MAP2: variants seen among roughly 807,000 people sequenced by gnomAD.
MAP2 encodes microtubule-associated protein 2.
MAP2 carries 14 observed loss-of-function variants against 137.6 expected under a neutral mutation model. The observed-to-expected ratio is 0.10, with a 90% CI of 0.07 to 0.16. The LOEUF is 0.16. MAP2 is among the 10% of genes least tolerant of loss of function. The pLI is 1.00. For missense variants in MAP2, 2,088 were observed against 2,191.5 expected (o/e 0.95, Z 0.94); for synonymous variants, 786 against 782.3 (o/e 1.00, Z -0.08).
intron 2 of MAP2, among the ~76,000 whole-genome samples, chr2:209,523,314 T>C (rs761388745): frequency 5.3e-5 from 8 of 152,184 alleles, no homozygotes; most frequent in Non-Finnish European, 1.2e-4. Flanking sequence ...CACACATGGC[T>C]TGTCATTACT....
intron 7 of MAP2, among the ~76,000 whole-genome samples, chr2:209,686,197 CG>C (rs2056950894): frequency 2.0e-5 from 3 of 152,276 alleles, no homozygotes; most frequent in African/African-American, 7.2e-5. Flanking sequence ...GAATATCAAA[CG>C]TTATTTTAGG....
intron 1 of MAP2, among the ~76,000 whole-genome samples, chr2:209,442,349 G>T (rs1271776534): frequency 1.3e-5 from 2 of 151,536 alleles, no homozygotes; most frequent in South Asian, 2.1e-4. Flanking sequence ...AAATTGGGGG[G>T]TCTAGGGGCC....
intron 3 of MAP2, among the ~76,000 whole-genome samples, chr2:209,605,742 C>G (rs2084466876): frequency 6.6e-6 from 1 of 152,112 alleles, no homozygotes; most frequent in Non-Finnish European, 1.5e-5. Flanking sequence ...GAATATTGTG[C>G]CCTTATCCTT....
intron 5 of MAP2, among the ~76,000 whole-genome samples, chr2:209,675,441 G>A (rs924714138): frequency 9.9e-5 from 15 of 151,788 alleles, no homozygotes; most frequent in African/African-American, 2.9e-4. Flanking sequence ...CTCACGATTA[G>A]TACTGGCTGA....
intron 1 of MAP2, among the ~76,000 whole-genome samples, chr2:209,490,658 C>G (rs942489726): frequency 2.3e-5 from 3 of 132,018 alleles, no homozygotes; most frequent in African/African-American, 8.4e-5. Flanking sequence ...ATCCTAGTCT[C>G]TGATAAAACA....
At chr2:209,704,584 C>T (rs1249042253) in intron 11 of MAP2, 7 of 1,608,542 alleles carry the variant, frequency 4.4e-6, no homozygotes, top group Non-Finnish European at 5.9e-6. Flanking sequence ...CAGCAGGCTC[C>T]ACAGACCGTT....
chr2:209,528,842 A>G (rs570603283), intron 2 of MAP2, among the ~76,000 whole-genome samples: 4 of 148,462 alleles, frequency 2.7e-5, no homozygotes, highest in South Asian at 4.3e-4. Flanking sequence ...ATGTATGTAT[A>G]TATATGTGTG....
intron 13 of MAP2, chr2:209,723,773 T>C: frequency 1.2e-6 from 1 of 843,404 alleles, no homozygotes; most frequent in Admixed American, 1.8e-5. Context: ...CCCACCTCTT[T>C]CCAACACACT....
intron 7 of MAP2, among the ~76,000 whole-genome samples, chr2:209,682,949 G>T (rs140397647): frequency 9.5e-4 from 144 of 152,222 alleles, no homozygotes; most frequent in African/African-American, 3.4e-3. Flanking sequence ...AAGCATCAGA[G>T]AATCCTCTTA....
At position 209,673,080 on chromosome 2, in the gene MAP2, A is replaced by G. The variant is rs75968051; in HGVS notation, c.263-5492A>G. 9.9e-5 allele frequency among the ~76,000 whole-genome samples: 15 copies of G among 151,946 alleles called. No individual in the cohort carries two copies. In the East Asian group the frequency reaches 2.9e-3, roughly 29 times the overall value. On this transcript the variant is annotated intron_variant, in intron 5 of 15. Coordinates refer to ENST00000682079, the MANE Select transcript of MAP2 (RefSeq NM_001375505.1). ...GTTTTCAAGACAGATTTCACTTTTT[A>G]TCTTCAGATGTTTACCTGGATAGTG...
intron 14 of MAP2, 54 bp downstream of exon 14, chr2:209,725,844 G>A: frequency 7.9e-7 from 1 of 1,261,232 alleles, no homozygotes; most frequent in Non-Finnish European, 1.1e-6. Flanking sequence ...ATCAAGAAAG[G>A]GATGAGAAAA....
intron 14 of MAP2, among the ~76,000 whole-genome samples, chr2:209,727,946 A>G (rs2074654743): frequency 6.6e-6 from 1 of 152,150 alleles, no homozygotes; most frequent in Admixed American, 6.6e-5. Context: ...GACAGTTCAT[A>G]GTGAGAGTCC....
chr2:209,653,260 G>A lies in MAP2; in HGVS notation c.90G>A (p.Glu30=), dbSNP rs750046521. ...TEASAHSHPP[E]IKDQGGAGEG... ...CATCTGCACACTCACATCCACCTGA[G>A]ATTAAGGATCAAGGCGGAGCAGGGG... Residue 30 remains glutamate, a synonymous_variant, in exon 5 of 16, where the codon GAG becomes GAA. Transcript: ENST00000682079. The A allele has an allele frequency of 3.7e-6, 6 of 1,614,008 alleles. No individual in the cohort carries two copies. The highest frequency in any genetic ancestry group is 1.7e-6 in the Non-Finnish European group (2 of 1,180,018).
chr2:209,695,306 C>T lies in MAP2; in HGVS notation c.3136C>T (p.Leu1046=). 6.2e-7 allele frequency: 1 copy of T among 1,613,998 alleles called. No homozygotes were observed. The highest frequency in any genetic ancestry group is 2.2e-5 in the East Asian group (1 of 44,862). Reference sequence around the variant, plus strand: ...TCTGGATTTTGCTGTCCAGGGTCAACTAGATGTTAAAATTAGTGACTTTGG... The same window carrying T: ...TCTGGATTTTGCTGTCCAGGGTCAATTAGATGTTAAAATTAGTGACTTTGG... The part of the protein sequence containing the change: ...QGLDFAVQGQ[L]DVKISDFGQM... The change falls in exon 8 of 16, where the codon CTA becomes TTA. Residue 1046 remains leucine (L), a synonymous_variant. Transcript: ENST00000682079.
rs80022201 is a variant in MAP2 at position 209,581,607 on chromosome 2, G to T, written c.-107+1507G>T. ...TGTTTGGTGGAAAAAAAATCTATTT[G>T]GTATTTGCCCATCTGATTAAATCCA... On this transcript the variant is annotated intron_variant, in intron 3 of 15. Transcript: ENST00000682079. 3.2e-3 allele frequency among the ~76,000 whole-genome samples: 482 copies of T among 152,080 alleles called. 4 individuals are homozygous for T. Among genetic ancestry groups the T allele is most frequent in the Non-Finnish European group, 5.2e-3 (356 of 67,978 alleles).
Position 209,694,458 on chromosome 2 carries a change from G to A in MAP2, c.2288G>A (p.Ser763Asn), listed in dbSNP as rs1330784462. The A allele has an allele frequency of 6.2e-7, 1 of 1,613,902 alleles. No individual in the cohort carries two copies. Among genetic ancestry groups the A allele is most frequent in the Non-Finnish European group, 8.5e-7 (1 of 1,179,968 alleles). The change falls in exon 8 of 16, where the codon AGC becomes AAC. Residue 763 changes from serine (S) to asparagine (N), a missense_variant. By Grantham distance (46) the Ser-to-Asn change is conservative. Transcript: ENST00000682079. ...LEKAPCFPVE[S>N]KEEEQIEKVK... is the part of the protein sequence containing the mutation. ...AAAGCCCCTTGCTTCCCTGTAGAAA[G>A]CAAAGAGGAAGAACAGATAGAGAAA...
intron 2 of MAP2, among the ~76,000 whole-genome samples, chr2:209,576,162 A>G (rs1008810828): frequency 2.0e-5 from 3 of 152,234 alleles, no homozygotes; most frequent in African/African-American, 7.2e-5. Flanking sequence ...ACAATGAAGC[A>G]GATATGACAG....
In MAP2 at chr2:209,695,342, T is replaced by A. The variant is rs761065678; in HGVS notation, c.3172T>A (p.Ser1058Thr). Reference sequence around the variant, plus strand: ...AATTAGTGACTTTGGACAGATGGCTTCAGGGCTAAACATAGATGATAGAAG... The same window carrying A: ...AATTAGTGACTTTGGACAGATGGCTACAGGGCTAAACATAGATGATAGAAG... ...VKISDFGQMA[S>T]GLNIDDRRAT... Residue 1058 changes from serine to threonine, a missense_variant, in exon 8 of 16, where the codon TCA becomes ACA. Physicochemically the swap from Ser to Thr is moderately conservative, Grantham distance 58. Around this residue, in one of 6 missense-constraint regions of MAP2, gnomAD observed 500 missense variants for 482.9 expected, o/e 1.04. Transcript: ENST00000682079. The A allele has an allele frequency of 6.2e-7, 1 of 1,613,972 alleles. No homozygotes were observed.
chr2:209,698,212 C>T (rs1411179172), intron 10 of MAP2, among the ~76,000 whole-genome samples: 1 of 152,120 alleles, frequency 6.6e-6, no homozygotes, highest in Non-Finnish European at 1.5e-5. Flanking sequence ...ACTGGTAAAA[C>T]AAAGGAATGA....
Sources: gnomAD v4.1 joint callset for allele counts (sites outside exome capture counted in the v4.1 genomes callset) on GRCh38, gnomAD v4.1.1 for gene constraint, gnomAD v4.1.1 regional missense constraint, MANE v1.5 for transcripts, NCBI Gene and HGNC (gene_info 2026-07-23, HGNC 2026-07-21) for gene names.